The following HGSNAT variants were observed in gnomAD, a reference collection of about 807,000 sequenced individuals.
The protein encoded by HGSNAT is transmembrane protein 76.
In HGSNAT, 59 loss-of-function variants were observed where a neutral mutation model predicts 85.2. The observed-to-expected ratio is 0.69, with a 90% CI of 0.56 to 0.86. HGSNAT has a LOEUF of 0.86. Ranked by LOEUF, HGSNAT falls within the 40% of genes least tolerant of loss-of-function variation. The pLI is 0.00. For synonymous variants in HGSNAT, 321 were observed against 304.5 expected, an observed-to-expected ratio of 1.05 and a Z score of -0.56; for missense variants, 756 against 777.1, an observed-to-expected ratio of 0.97 and a Z score of 0.32.
chr8:43,163,186 GA>G (rs199987384), intron 5 of HGSNAT, among the ~76,000 whole-genome samples: 4 of 148,188 alleles, frequency 2.7e-5, no homozygotes, highest in East Asian at 2.0e-4. Context: ...GGACTCTCAA[GA>G]AAAAAAAAAG....
chr8:43,179,026 CG>C (rs1445298275), intron 10 of HGSNAT, among the ~76,000 whole-genome samples: 1 of 148,546 alleles, frequency 6.7e-6, no homozygotes, highest in East Asian at 2.0e-4. Flanking sequence ...CACACAGACC[CG>C]GCAACCATCC....
intron 7 of HGSNAT, 61 bp downstream of exon 7, chr8:43,170,755 A>G (rs1199245414): frequency 1.0e-6 from 1 of 998,524 alleles, no homozygotes; most frequent in Non-Finnish European, 1.5e-6. Flanking sequence ...ATAATTGTAC[A>G]TACACACACT....
chr8:43,159,756 C>A (rs1243059748), intron 4 of HGSNAT, among the ~76,000 whole-genome samples: 2 of 152,152 alleles, frequency 1.3e-5, no homozygotes, highest in African/African-American at 4.8e-5. Flanking sequence ...TCCTGTATAT[C>A]TTCTGCTGCC....
chr8:43,174,258 A>G (rs1803735389), intron 9 of HGSNAT: 1 of 152,274 alleles, frequency 6.6e-6, no homozygotes, highest in Admixed American at 6.5e-5. Flanking sequence ...TTTATAGGGA[A>G]TATTTTGTTA....
intron 2 of HGSNAT, among the ~76,000 whole-genome samples, chr8:43,157,904 A>C (rs1056796952): frequency 1.3e-5 from 2 of 152,186 alleles, no homozygotes; most frequent in Non-Finnish European, 2.9e-5. Flanking sequence ...TAAATACTCA[A>C]AGTATTTGAT....
chr8:43,162,554 AT>A (rs34568555), intron 5 of HGSNAT, among the ~76,000 whole-genome samples: 282 of 143,008 alleles, frequency 2.0e-3, no homozygotes, highest in Middle Eastern at 3.6e-3. Context: ...TCTATTATGG[AT>A]TTTTTTTTTT....
At chr8:43,150,116 C>A (rs953600889) in intron 2 of HGSNAT, among the ~76,000 whole-genome samples, 1 of 152,048 alleles carries the variant, frequency 6.6e-6, no homozygotes, top group African/African-American at 2.4e-5. Flanking sequence ...GCCACCGCAC[C>A]CAGTAATTTT....
chr8:43,163,454 C>G (rs542332900), intron 5 of HGSNAT, among the ~76,000 whole-genome samples: 1 of 151,744 alleles, frequency 6.6e-6, no homozygotes, highest in African/African-American at 2.4e-5. Context: ...ACTTAGGCAA[C>G]AAGCATGAAC....
chr8:43,158,880 TTCTAA>T (rs1200095955), intron 3 of HGSNAT, 38 bp from the exon 4 acceptor site: 1 of 1,579,464 alleles, frequency 6.3e-7, no homozygotes, highest in Admixed American at 1.8e-5. Flanking sequence ...ACTTCTTATT[TTCTAA>T]TCTAACCACT....
intron 10 of HGSNAT, 35 bp from the exon 11 acceptor site, chr8:43,182,110 T>C (rs1015431580): frequency 6.6e-7 from 1 of 1,517,954 alleles, no homozygotes; most frequent in Non-Finnish European, 9.2e-7. Context: ...GGAGAAGTCC[T>C]GGCTAACACT....
chr8:43,193,913 A>G lies in HGSNAT; in HGVS notation c.1464+70A>G, dbSNP rs1210655085. Reference sequence around the variant, plus strand: ...TATTTTATTCACTCATTTAAAAACCATTTCATTAAAATAATTGGAAGCATA... The same window carrying G: ...TATTTTATTCACTCATTTAAAAACCGTTTCATTAAAATAATTGGAAGCATA... On this transcript the variant is annotated intron_variant, in intron 14 of 17. Coordinates refer to ENST00000379644, the MANE Select transcript of HGSNAT (RefSeq NM_152419.3). The G allele has an allele frequency of 5.0e-6, 8 of 1,589,056 alleles. No homozygotes were observed. In the African/African-American group the frequency reaches 5.4e-5, roughly 11 times the overall value.
chr8:43,158,172 C>T (rs927705155), intron 2 of HGSNAT, among the ~76,000 whole-genome samples: 1 of 152,042 alleles, frequency 6.6e-6, no homozygotes. Context: ...GATCTCAGCT[C>T]ACTGCAACCT....
chr8:43,172,345 G>A lies in HGSNAT; in HGVS notation c.779G>A (p.Gly260Glu). The A allele has an allele frequency of 6.2e-7, 1 of 1,612,132 alleles. No individual in the cohort carries two copies. Among genetic ancestry groups the A allele is most frequent in the Non-Finnish European group, 8.5e-7 (1 of 1,178,192 alleles). The change falls in exon 8 of 18, where the codon GGA becomes GAA. Residue 260 changes from glycine (G) to glutamate (E), a missense_variant. Coordinates refer to ENST00000379644, the MANE Select transcript of HGSNAT (RefSeq NM_152419.3). ...ATACTCATGGTCTTTGTCAATTATGGAGGAGGAAAATATTGGTACTTCAAA... is the reference window on the plus strand; with the variant it reads ...ATACTCATGGTCTTTGTCAATTATGAAGGAGGAAAATATTGGTACTTCAAA... ...ALILMVFVNY[G>E]GGKYWYFKHA...
At chr8:43,178,614 T>TTA (rs1554533330) in intron 10 of HGSNAT, among the ~76,000 whole-genome samples, 2 of 144,886 alleles carry the variant, frequency 1.4e-5, no homozygotes, top group African/African-American at 5.4e-5. Context: ...TTTTTTTTTT[T>TTA]AAATTTATTT....
At position 43,199,540 on chromosome 8, in the gene HGSNAT, T is replaced by C. The variant is rs1804851642; in HGVS notation, c.1879T>C (p.Tyr627His). Residue 627 changes from tyrosine (Y) to histidine (H), a missense_variant, in exon 18 of 18, where the codon TAT becomes CAT. Physicochemically the swap from Tyr to His is moderately conservative, Grantham distance 83. Transcript: ENST00000379644. ...ALWVLIAYIL[Y>H]RKKIFWKI ...CTGGGTGCTCATTGCCTACATCCTC[T>C]ATAGAAAGAAGATTTTTTGGAAAAT... 1.3e-6 allele frequency: 2 copies of C among 1,563,864 alleles called. No homozygotes were observed. The highest frequency in any genetic ancestry group is 1.2e-5 in the South Asian group (1 of 83,900).
intron 2 of HGSNAT, among the ~76,000 whole-genome samples, chr8:43,150,409 T>C (rs970652329): frequency 6.7e-6 from 1 of 149,384 alleles, no homozygotes; most frequent in Admixed American, 6.7e-5. Context: ...GAGGATCACT[T>C]GAGGTAGGAG....
chr8:43,192,039 C>T (rs556310670), intron 12 of HGSNAT, among the ~76,000 whole-genome samples: 1 of 152,254 alleles, frequency 6.6e-6, no homozygotes, highest in African/African-American at 2.4e-5. Context: ...AGCGATTCTC[C>T]TGCATTAGCC....
In HGSNAT at chr8:43,170,481, A is replaced by AAAAAC. The variant is rs536945546; in HGVS notation, c.634-80_634-76dup. On this transcript the variant is annotated intron_variant, in intron 6 of 17. Transcript: ENST00000379644. Reference sequence around the variant, plus strand: ...GGCCACAGAGCGAGACTCTGTCTCAAAAAACAAAACAAAACAAAACAAAAC... The same window carrying AAAAAC: ...GGCCACAGAGCGAGACTCTGTCTCAAAAAACAAAACAAAACAAAACAAAACAAAAC... 1.2e-3 allele frequency: 1,339 copies of AAAAAC among 1,119,854 alleles called. 15 individuals are homozygous for AAAAAC. In the African/African-American group the frequency reaches 0.014, roughly 12 times the overall value. 69.4% of individuals were successfully genotyped at this position (1,119,854 alleles called of 1,614,324 possible).
intron 8 of HGSNAT, among the ~76,000 whole-genome samples, chr8:43,172,826 T>C (rs1472673789): frequency 6.6e-6 from 1 of 152,218 alleles, no homozygotes; most frequent in African/African-American, 2.4e-5. Flanking sequence ...TCTGTAAGTC[T>C]GGCTTGGTAG....
Sources: allele counts gnomAD v4.1 joint callset (sites outside exome capture counted in the v4.1 genomes callset), GRCh38; gene constraint gnomAD v4.1.1; transcripts MANE v1.5; gene names NCBI Gene and HGNC (gene_info 2026-07-23, HGNC 2026-07-21).